C20orf203: variants seen among roughly 807,000 people sequenced by gnomAD.
C20orf203 encodes chromosome 20 open reading frame 203, also known as uncharacterized protein C20orf203.
In C20orf203, 16 loss-of-function variants were observed where a neutral mutation model predicts 15.9. The observed-to-expected ratio is 1.01, with a 90% CI of 0.68 to 1.53. The LOEUF (loss-of-function observed/expected upper bound fraction) is 1.53, where lower values mean the gene tolerates loss of function less well. Ranked by LOEUF, C20orf203 falls within the 40% of genes most tolerant of loss-of-function variation. The probability of loss-of-function intolerance (pLI) is 0.00; values close to 1 mark genes in which losing one functional copy is unlikely to be tolerated. For missense variants in C20orf203, 263 were observed against 247.5 expected (o/e 1.06, Z -0.42); for synonymous variants, 98 against 97.2 (o/e 1.01, Z -0.05).
chr20:32,645,275 G>A (rs1982393247), intron 4 of C20orf203, among the ~76,000 whole-genome samples: 1 of 152,202 alleles, frequency 6.6e-6, no homozygotes, highest in Admixed American at 6.5e-5. Context: ...CAAAGGCCAT[G>A]CCTAAGTCTT....
At position 32,651,734 on chromosome 20, in the gene C20orf203, T is replaced by C; in HGVS notation, c.-16A>G. 6.6e-6 allele frequency: 1 copy of C among 152,412 alleles called. No homozygotes were observed. The highest frequency in any genetic ancestry group is 2.1e-4 in the South Asian group (1 of 4,816). The allele number at this position is 152,412 out of a possible 1,614,324, so 9.4% of individuals were successfully genotyped here. A position where few individuals can be genotyped will look rare whatever the true frequency, so the allele number is the denominator to read the frequency against. On this transcript the variant is annotated splice_region_variant and 5_prime_UTR_variant, in exon 2 of 6. Coordinates refer to ENST00000608990, the MANE Select transcript of C20orf203 (RefSeq NM_182584.4). ...GCACCTAGCCTGTCCGAGTCTTACCTCTTCATGTGGCAGCTGCAGTCTGGC... is the reference window on the plus strand; with the variant it reads ...GCACCTAGCCTGTCCGAGTCTTACCCCTTCATGTGGCAGCTGCAGTCTGGC...
rs1423078070 is a variant in C20orf203 at position 32,666,747 on chromosome 20, A to G, written c.-264+6885T>C. On this transcript the variant is annotated intron_variant, in intron 1 of 5. Transcript: ENST00000608990. ...CACTGCACTCCAGCCTGGGTGACAG[A>G]GCAAGACTCCATCTCAAAAAAAAAA... Among the ~76,000 whole-genome samples, 3 of 136,736 alleles carry G rather than the reference A, an allele frequency of 2.2e-5. No individual in the cohort carries two copies. The Admixed American group carries it at 2.2e-4, about 10-fold the overall frequency. The allele number at this position is 136,736 out of a possible 152,430, so 89.7% of individuals were successfully genotyped here.
At chr20:32,664,307 C>T (rs1982968326) in intron 1 of C20orf203, among the ~76,000 whole-genome samples, 1 of 152,242 alleles carries the variant, frequency 6.6e-6, no homozygotes, top group African/African-American at 2.4e-5. Context: ...CCTCATACCC[C>T]CACCTCTTTC....
intron 4 of C20orf203, among the ~76,000 whole-genome samples, chr20:32,641,182 G>T (rs990214005): frequency 2.6e-5 from 4 of 151,738 alleles, no homozygotes; most frequent in Non-Finnish European, 5.9e-5. Context: ...AATATTATCT[G>T]GGTGTCGTGG....
At chr20:32,667,750 A>C (rs1983068870) in intron 1 of C20orf203, among the ~76,000 whole-genome samples, 1 of 152,128 alleles carries the variant, frequency 6.6e-6, no homozygotes, top group African/African-American at 2.4e-5. Flanking sequence ...GGCTCACTGC[A>C]ACCTCCACCT....
chr20:32,672,341 AAAAAT>A (rs747836211), intron 1 of C20orf203, among the ~76,000 whole-genome samples: 3 of 151,182 alleles, frequency 2.0e-5, no homozygotes, highest in Non-Finnish European at 2.9e-5. Flanking sequence ...TCTGTCTCAA[AAAAAT>A]AAAATAAAAT....
At position 32,634,280 on chromosome 20, in the gene C20orf203, T is replaced by G. The variant is rs963911623; in HGVS notation, c.*1300-10A>C. On this transcript the variant is annotated splice_polypyrimidine_tract_variant and intron_variant, in intron 5 of 5. Coordinates refer to ENST00000608990, the MANE Select transcript of C20orf203 (RefSeq NM_182584.4). The stretch of plus-strand genomic sequence containing the variant: ...AAGGTTATGCTGGAGTCTGGAAAGA[T>G]AAGAAAGAATTAGCAAGACAGGCAT... 2.5e-6 allele frequency: 1 copy of G among 398,086 alleles called. No homozygotes were observed. Among genetic ancestry groups the G allele is most frequent in the Admixed American group, 4.4e-5 (1 of 22,672 alleles). The allele number at this position is 398,086 out of a possible 1,614,324, so 24.7% of individuals were successfully genotyped here.
intron 1 of C20orf203, among the ~76,000 whole-genome samples, chr20:32,666,961 T>C (rs1983052868): frequency 6.6e-6 from 1 of 151,206 alleles, no homozygotes; most frequent in Non-Finnish European, 1.5e-5. Context: ...ATATATTTTA[T>C]ATAATCCAAT....
At position 32,671,696 on chromosome 20, in the gene C20orf203, G is replaced by A. The variant is rs577802463; in HGVS notation, c.-264+1936C>T. 5.9e-5 allele frequency among the ~76,000 whole-genome samples: 9 copies of A among 151,970 alleles called. No individual in the cohort carries two copies. In the South Asian group the frequency reaches 1.2e-3, roughly 21 times the overall value. ...CTCTACTAAAAATACAAAATTAGCCGGGCGTGGTGGCGCACACCTATAATC... is the reference window on the plus strand; with the variant it reads ...CTCTACTAAAAATACAAAATTAGCCAGGCGTGGTGGCGCACACCTATAATC... On this transcript the variant is annotated intron_variant, in intron 1 of 5. Coordinates refer to ENST00000608990, the MANE Select transcript of C20orf203 (RefSeq NM_182584.4).
Position 32,650,265 on chromosome 20 carries a change from G to A in C20orf203, c.*167C>T, listed in dbSNP as rs942303113. 1.3e-4 allele frequency: 78 copies of A among 609,932 alleles called. 1 individual carries two copies. Among genetic ancestry groups the A allele is most frequent in the Non-Finnish European group, 2.1e-4 (72 of 343,480 alleles). The allele number at this position is 609,932 out of a possible 1,614,324, so 37.8% of individuals were successfully genotyped here. A position where few individuals can be genotyped will look rare whatever the true frequency, so the allele number is the denominator to read the frequency against. ...TTTGCTGAATGCCTTGAATACAAGC[G>A]CCGGTGCCCAGAATCTCCTTGAGGT... On this transcript the variant is annotated 3_prime_UTR_variant, in exon 4 of 6. Transcript: ENST00000608990.
intron 5 of C20orf203, among the ~76,000 whole-genome samples, chr20:32,640,097 G>A (rs1350229226): frequency 6.6e-6 from 1 of 152,116 alleles, no homozygotes; most frequent in Non-Finnish European, 1.5e-5. Flanking sequence ...ATGTAGATGT[G>A]TATTTATTGA....
intron 1 of C20orf203, among the ~76,000 whole-genome samples, chr20:32,666,797 T>TTTTTTATATATATATATATATATATATA (rs367964394): frequency 4.6e-5 from 3 of 65,594 alleles, no homozygotes. Context: ...TAATTTTAAT[T>TTTTTTATATATATATATATATATATATA]TATATATATA....
At chr20:32,647,960 C>T (rs1471347155) in intron 4 of C20orf203, among the ~76,000 whole-genome samples, 1 of 152,172 alleles carries the variant, frequency 6.6e-6, no homozygotes, top group Non-Finnish European at 1.5e-5. Context: ...ATGGCACCTA[C>T]AGCACCCTAG....
chr20:32,657,571 A>T (rs1012919307), intron 1 of C20orf203: 12 of 151,982 alleles, frequency 7.9e-5, no homozygotes, highest in African/African-American at 2.9e-4. Flanking sequence ...TCTAAAACAA[A>T]ATTTTAAAAA....
At chr20:32,641,756 A>G (rs766240634) in intron 4 of C20orf203, among the ~76,000 whole-genome samples, 6 of 152,184 alleles carry the variant, frequency 3.9e-5, no homozygotes, top group Non-Finnish European at 8.8e-5. Context: ...TTGGCCATTT[A>G]TACATCTTTT....
chr20:32,664,869 G>A (rs1033034931), intron 1 of C20orf203, among the ~76,000 whole-genome samples: 2 of 152,198 alleles, frequency 1.3e-5, no homozygotes, highest in Non-Finnish European at 2.9e-5. Context: ...CAGTCTCCAC[G>A]AGCCCCAGGC....
intron 1 of C20orf203, among the ~76,000 whole-genome samples, chr20:32,658,809 G>A (rs189772221): frequency 2.2e-4 from 34 of 152,102 alleles, no homozygotes; most frequent in East Asian, 1.2e-3. Context: ...AGCGTCCTCC[G>A]GCCTTGGCGT....
rs1480869836 is a variant in C20orf203, at chr20:32,651,141, C to A, written c.12G>T (p.Arg4Ser). 3 of 721,224 alleles carry A rather than the reference C, an allele frequency of 4.2e-6. No individual in the cohort carries two copies. Among genetic ancestry groups the A allele is most frequent in the Non-Finnish European group, 6.3e-6 (3 of 478,396 alleles). The allele number at this position is 721,224 out of a possible 1,614,324, so 44.7% of individuals were successfully genotyped here. A position where few individuals can be genotyped will look rare whatever the true frequency, so the allele number is the denominator to read the frequency against. The part of the protein sequence containing the change: MFP[R>S]PVLNSRAQAI... The stretch of plus-strand genomic sequence containing the variant: ...CTTGAGCCCGGGAGTTCAAGACAGG[C>A]CTAGGAAACATAGGAGACCCTCTCT... Residue 4 changes from arginine to serine, a missense_variant, in exon 3 of 6, where the codon AGG (arginine) becomes AGT (serine). Coordinates refer to ENST00000608990, the MANE Select transcript of C20orf203 (RefSeq NM_182584.4).
intron 4 of C20orf203, among the ~76,000 whole-genome samples, chr20:32,643,025 T>C (rs188061397): frequency 2.5e-4 from 38 of 152,248 alleles, no homozygotes; most frequent in African/African-American, 9.1e-4. Flanking sequence ...CCAGACCCTG[T>C]ACTCAGAGCC....
Sources: allele counts gnomAD v4.1 joint callset (sites outside exome capture counted in the v4.1 genomes callset), GRCh38; gene constraint gnomAD v4.1.1; transcripts MANE v1.5; gene names NCBI Gene and HGNC (gene_info 2026-07-23, HGNC 2026-07-21).